Variants in RYR3 observed in about 807,000 individuals in gnomAD.
The protein encoded by RYR3 is ryanodine receptor 3.
In RYR3, 207 loss-of-function variants were observed where a neutral mutation model predicts 584.3. That is an observed-to-expected ratio of 0.35 (90% CI 0.32 to 0.40). The LOEUF (loss-of-function observed/expected upper bound fraction) is 0.40, where lower values mean the gene tolerates loss of function less well. Among genes scored for constraint, RYR3 ranks in the 10% least tolerant of loss-of-function variants. The probability of loss-of-function intolerance (pLI) is 1.00; values close to 1 mark genes in which losing one functional copy is unlikely to be tolerated. For missense variants in RYR3, 5,616 were observed against 6,089.2 expected (o/e 0.92, Z 2.59); for synonymous variants, 2,416 against 2,248.5 (o/e 1.07, Z -2.11).
rs532571863 is a variant in RYR3 at position 33,735,686 on chromosome 15, T to C, written c.7425-549T>C. ...CTCTGTAATTTGATAGATTATTCTT[T>C]AAATAGTTACTGTGTTTGCCTATTA... On this transcript the variant is annotated intron_variant, in intron 48 of 103. Coordinates refer to ENST00000634891, the MANE Select transcript of RYR3 (RefSeq NM_001036.6). 4.6e-5 allele frequency among the ~76,000 whole-genome samples: 7 copies of C among 152,366 alleles called. No individual in the cohort carries two copies. In the East Asian group the frequency reaches 1.3e-3, roughly 29 times the overall value.
chr15:33,731,309 A>G (rs1228741286), intron 47 of RYR3, among the ~76,000 whole-genome samples, 165 bp from the exon 48 acceptor site: 2 of 151,998 alleles, frequency 1.3e-5, no homozygotes, highest in African/African-American at 4.8e-5. Flanking sequence ...GAAAATGCAA[A>G]AAGAAAAATA....
At position 33,697,807 on chromosome 15, in the gene RYR3, G is replaced by A. The variant is rs558575758; in HGVS notation, c.6135-75G>A. ...TATTATTTTGCCCTCTCGTGTGTTT[G>A]TGTGTTCTCATCCCTGAATTTTCAT... On this transcript the variant is annotated intron_variant, in intron 39 of 103. Transcript: ENST00000634891. 1.8e-5 allele frequency: 16 copies of A among 887,378 alleles called. No individual in the cohort carries two copies. In the African/African-American group the frequency reaches 2.6e-4, roughly 15 times the overall value. 55.0% of individuals were successfully genotyped at this position (887,378 alleles called of 1,614,324 possible). A position where few individuals can be genotyped will look rare whatever the true frequency, so the allele number is the denominator to read the frequency against.
intron 14 of RYR3, among the ~76,000 whole-genome samples, chr15:33,583,244 G>A (rs2058682076): frequency 6.6e-6 from 1 of 152,088 alleles, no homozygotes; most frequent in Non-Finnish European, 1.5e-5. Context: ...CTGTCAAATA[G>A]GGATATATTT....
chr15:33,614,744 GT>G (rs1567668263), intron 19 of RYR3, among the ~76,000 whole-genome samples: 2 of 151,296 alleles, frequency 1.3e-5, no homozygotes, highest in African/African-American at 4.9e-5. Context: ...TTTTTTATTG[GT>G]TTCAAATATT....
At chr15:33,574,444 C>G (rs2058191581) in intron 12 of RYR3, among the ~76,000 whole-genome samples, 1 of 152,144 alleles carries the variant, frequency 6.6e-6, no homozygotes, top group African/African-American at 2.4e-5. Flanking sequence ...CATTCTCTTC[C>G]CCACTATTTT....
At chr15:33,792,076 C>A (rs2075194793) in intron 67 of RYR3, among the ~76,000 whole-genome samples, 1 of 152,096 alleles carries the variant, frequency 6.6e-6, no homozygotes, top group Non-Finnish European at 1.5e-5. Context: ...GCTGGAAAAT[C>A]ATAAACACAT....
intron 76 of RYR3, 109 bp downstream of exon 76, chr15:33,818,793 A>C: frequency 1.3e-6 from 1 of 757,680 alleles, no homozygotes; most frequent in Non-Finnish European, 2.2e-6. Context: ...GCTAGATTTG[A>C]GCAGCCCTCC....
intron 1 of RYR3, among the ~76,000 whole-genome samples, chr15:33,383,571 G>C (rs746216830): frequency 6.6e-6 from 1 of 151,762 alleles, no homozygotes; most frequent in Non-Finnish European, 1.5e-5. Flanking sequence ...GTTTTTAATT[G>C]GGTGTACATT....
chr15:33,418,397 A>G (rs1414832333), intron 1 of RYR3, among the ~76,000 whole-genome samples: 2 of 151,346 alleles, frequency 1.3e-5, no homozygotes. Flanking sequence ...CTTGAACTGG[A>G]CTTTAAACGA....
Position 33,837,631 on chromosome 15 carries a change from G to A in RYR3, c.11651G>A (p.Gly3884Glu). Residue 3884 changes from glycine to glutamate, a missense_variant and splice_region_variant, in exon 89 of 104, where the codon GGG (glycine) becomes GAG (glutamate). Coordinates refer to ENST00000634891, the MANE Select transcript of RYR3 (RefSeq NM_001036.6). ...ATGTCTTTTTGAACCTGCCTCACAG[G>A]GAATGTGGTAAATGGCACCATTGGC... The part of the protein sequence containing the change: ...MVVMLLSLLE[G>E]NVVNGTIGKQ... 6.3e-7 allele frequency: 1 copy of A among 1,580,754 alleles called. No homozygotes were observed. The highest frequency in any genetic ancestry group is 8.6e-7 in the Non-Finnish European group (1 of 1,163,030).
At chr15:33,631,751 A>G (rs1464359502) in intron 23 of RYR3, among the ~76,000 whole-genome samples, 3 of 152,184 alleles carry the variant, frequency 2.0e-5, no homozygotes, top group Admixed American at 2.0e-4. Flanking sequence ...ATTCAGACAC[A>G]GTTGCACATT....
Position 33,649,060 on chromosome 15 carries a change from G to T in RYR3, c.3979-12G>T. On this transcript the variant is annotated splice_polypyrimidine_tract_variant and intron_variant, in intron 30 of 103. Transcript: ENST00000634891. ...TGGGGGCCATTGACTCCCCTCTGCG[G>T]TCTCTCCACAGCAGTGCTACTACGC... is the stretch of plus-strand genomic sequence containing the variant. 6.2e-7 allele frequency: 1 copy of T among 1,604,544 alleles called. No individual in the cohort carries two copies. The highest frequency in any genetic ancestry group is 8.5e-7 in the Non-Finnish European group (1 of 1,173,584).
At position 33,425,109 on chromosome 15, in the gene RYR3, T is replaced by C. The variant is rs142661773; in HGVS notation, c.52-48310T>C. 5.1e-3 allele frequency among the ~76,000 whole-genome samples: 774 copies of C among 152,324 alleles called. 5 individuals carry two copies. Among genetic ancestry groups the C allele is most frequent in the African/African-American group, 0.016 (677 of 41,568 alleles). On this transcript the variant is annotated intron_variant, in intron 1 of 103. Coordinates refer to ENST00000634891, the MANE Select transcript of RYR3 (RefSeq NM_001036.6). ...CAACAGACTCCTTAAAAGTGCACCA[T>C]GGATGAATCCTGTGTGCTAGTGTTG...
chr15:33,788,373 C>A lies in RYR3; in HGVS notation c.9745C>A (p.Leu3249Ile). ...CAAAGGGGACACCCAGGAGGCAGAA[C>A]TCCTCATCCTGGACGAGTTCGCGGT... ...DGKGDTQEAE[L>I]LILDEFAVLC... The change falls in exon 67 of 104, where the codon CTC (leucine) becomes ATC (isoleucine). Residue 3249 changes from leucine (L) to isoleucine (I), a missense_variant. Leu to Ile is a conservative substitution (Grantham distance 5). Coordinates refer to ENST00000634891, the MANE Select transcript of RYR3 (RefSeq NM_001036.6). The A allele has an allele frequency of 6.2e-7, 1 of 1,613,974 alleles. No individual in the cohort carries two copies. The highest frequency in any genetic ancestry group is 8.5e-7 in the Non-Finnish European group (1 of 1,179,854).
intron 27 of RYR3, among the ~76,000 whole-genome samples, 188 bp from the exon 28 acceptor site, chr15:33,644,123 C>A (rs1664942159): frequency 6.6e-6 from 1 of 152,126 alleles, no homozygotes; most frequent in Non-Finnish European, 1.5e-5. Context: ...GTACCATGGG[C>A]AGTGGTGGTC....
intron 38 of RYR3, among the ~76,000 whole-genome samples, chr15:33,671,886 C>G (rs1055905886): frequency 7.0e-6 from 1 of 141,868 alleles, no homozygotes; most frequent in Non-Finnish European, 1.5e-5. Context: ...GTGATCTCCA[C>G]TCACTGCAAC....
chr15:33,650,440 A>G (rs938045774), intron 31 of RYR3, among the ~76,000 whole-genome samples: 2 of 152,194 alleles, frequency 1.3e-5, no homozygotes, highest in Admixed American at 1.3e-4. Context: ...TCTTAGGGGT[A>G]TGACATTGGA....
At chr15:33,716,933 G>A (rs993707733) in intron 43 of RYR3, among the ~76,000 whole-genome samples, 1 of 151,686 alleles carries the variant, frequency 6.6e-6, no homozygotes, top group African/African-American at 2.4e-5. Flanking sequence ...TATGATCCTT[G>A]TGCCCATCAA....
chr15:33,435,536 T>G (rs542627638), intron 1 of RYR3, among the ~76,000 whole-genome samples: 2 of 152,324 alleles, frequency 1.3e-5, no homozygotes, highest in South Asian at 4.1e-4. Flanking sequence ...TTCTTCAGGA[T>G]TTATACTTAC....
Sources: allele counts gnomAD v4.1 joint callset (sites outside exome capture counted in the v4.1 genomes callset), GRCh38; gene constraint gnomAD v4.1.1; transcripts MANE v1.5; gene names NCBI Gene and HGNC (gene_info 2026-07-23, HGNC 2026-07-21).